Variants in CSGALNACT1 observed in about 807,000 individuals in gnomAD.
CSGALNACT1 encodes the protein chondroitin sulfate N-acetylgalactosaminyltransferase 1.
CSGALNACT1 carries 52 observed loss-of-function variants against 51.0 expected under a neutral mutation model. The observed-to-expected ratio is 1.02, with a 90% confidence interval of 0.82 to 1.29. The LOEUF (loss-of-function observed/expected upper bound fraction) is 1.29. Among genes scored for constraint, CSGALNACT1 ranks in the 50% most tolerant of loss-of-function variants. The pLI is 0.00. For missense variants in CSGALNACT1, 935 were observed against 679.2 expected (o/e 1.38, Z -4.19); for synonymous variants, 341 against 254.4 (o/e 1.34, Z -3.24).
At chr8:19,590,202 A>G (rs1276113989) in intron 3 of CSGALNACT1, among the ~76,000 whole-genome samples, 1 of 152,226 alleles carries the variant, frequency 6.6e-6, no homozygotes, top group Non-Finnish European at 1.5e-5. Flanking sequence ...ACTGCAAATC[A>G]TCCCAGAAAA....
intron 3 of CSGALNACT1, among the ~76,000 whole-genome samples, chr8:19,590,132 T>C (rs2047485170): frequency 6.6e-6 from 1 of 152,212 alleles, no homozygotes; most frequent in African/African-American, 2.4e-5. Context: ...TCTCTCTCTT[T>C]AGTTATTTAA....
intron 1 of CSGALNACT1, among the ~76,000 whole-genome samples, chr8:19,699,706 T>G (rs554228103): frequency 6.6e-6 from 1 of 152,212 alleles, no homozygotes; most frequent in Non-Finnish European, 1.5e-5. Context: ...TAGAAATGGA[T>G]GGCAGTGATG....
chr8:19,443,432 C>G (rs2061636775), intron 5 of CSGALNACT1, among the ~76,000 whole-genome samples: 1 of 152,004 alleles, frequency 6.6e-6, no homozygotes, highest in South Asian at 2.1e-4. Context: ...AAAGACATAC[C>G]CAAGACTGGG....
chr8:19,421,878 T>G (rs1171106978), intron 6 of CSGALNACT1, among the ~76,000 whole-genome samples: 2 of 152,120 alleles, frequency 1.3e-5, no homozygotes, highest in Non-Finnish European at 2.9e-5. Flanking sequence ...TTGGATCAGG[T>G]TAGGAGGCCT....
At chr8:19,576,017 A>C (rs1256772462) in intron 3 of CSGALNACT1, among the ~76,000 whole-genome samples, 1 of 152,094 alleles carries the variant, frequency 6.6e-6, no homozygotes, top group Non-Finnish European at 1.5e-5. Flanking sequence ...CAGGTGGTCT[A>C]ATGGCTCAGA....
At chr8:19,596,234 T>C in intron 2 of CSGALNACT1, among the ~76,000 whole-genome samples, 1 of 152,144 alleles carries the variant, frequency 6.6e-6, no homozygotes. Context: ...GAGAGCTACT[T>C]CCTATGTGTC....
intron 3 of CSGALNACT1, among the ~76,000 whole-genome samples, chr8:19,574,179 T>C (rs891206143): frequency 6.6e-6 from 1 of 152,176 alleles, no homozygotes; most frequent in East Asian, 1.9e-4. Flanking sequence ...TCCCAAACTA[T>C]TGGAATTACA....
intron 4 of CSGALNACT1, among the ~76,000 whole-genome samples, chr8:19,485,813 C>G (rs2072780293): frequency 8.4e-6 from 1 of 119,338 alleles, no homozygotes; most frequent in Admixed American, 1.0e-4. Context: ...GCTGCCCAGG[C>G]TGAAGTACAA....
chr8:19,409,690 C>A (rs962106339), intron 8 of CSGALNACT1, among the ~76,000 whole-genome samples: 4 of 152,094 alleles, frequency 2.6e-5, no homozygotes, highest in Non-Finnish European at 5.9e-5. Context: ...GAGAGGGCAG[C>A]AGCAGGTTCC....
chr8:19,519,293 C>G (rs1192624540), intron 3 of CSGALNACT1, among the ~76,000 whole-genome samples: 1 of 152,130 alleles, frequency 6.6e-6, no homozygotes, highest in Non-Finnish European at 1.5e-5. Context: ...GTTGTTGATC[C>G]CCATTCTCCT....
intron 6 of CSGALNACT1, among the ~76,000 whole-genome samples, chr8:19,426,392 A>G (rs2058780658): frequency 3.3e-5 from 5 of 152,180 alleles, no homozygotes; most frequent in Admixed American, 3.3e-4. Context: ...AATAACAGAA[A>G]AGAGATGAGA....
At chr8:19,721,526 C>A (rs932607495) in intron 1 of CSGALNACT1, among the ~76,000 whole-genome samples, 10 of 152,126 alleles carry the variant, frequency 6.6e-5, no homozygotes, top group Non-Finnish European at 1.3e-4. Context: ...CCTGATGGAC[C>A]ATGACAAGCA....
upstream of CSGALNACT1, among the ~76,000 whole-genome samples, chr8:19,685,587 A>G (rs2060927449): frequency 6.6e-6 from 1 of 152,252 alleles, no homozygotes; most frequent in Admixed American, 6.5e-5. Context: ...GTTCTTTAAA[A>G]GGAACGGTTT....
intron 1 of CSGALNACT1, among the ~76,000 whole-genome samples, chr8:19,713,869 G>T (rs1408187562): frequency 6.6e-6 from 1 of 152,194 alleles, no homozygotes; most frequent in Non-Finnish European, 1.5e-5. Flanking sequence ...AGCCCCAGAT[G>T]GAGAAGGGGA....
chr8:19,695,040 G>C (rs1325425668), intron 1 of CSGALNACT1, among the ~76,000 whole-genome samples: 1 of 152,066 alleles, frequency 6.6e-6, no homozygotes, highest in East Asian at 1.9e-4. Flanking sequence ...CTCCTCCTCT[G>C]CTCACTTTGT....
intron 3 of CSGALNACT1, among the ~76,000 whole-genome samples, chr8:19,521,494 C>A (rs2080695243): frequency 6.6e-6 from 1 of 152,080 alleles, no homozygotes; most frequent in Non-Finnish European, 1.5e-5. Flanking sequence ...AACAGCCTGG[C>A]CAACATGGTA....
chr8:19,525,722 G>A (rs555936845), intron 3 of CSGALNACT1, among the ~76,000 whole-genome samples: 1 of 145,158 alleles, frequency 6.9e-6, no homozygotes, highest in South Asian at 2.2e-4. Flanking sequence ...AGTGACAACA[G>A]AGAGAAAGCA....
At chr8:19,653,192 G>A (rs925858274) in intron 1 of CSGALNACT1, among the ~76,000 whole-genome samples, 5 of 152,082 alleles carry the variant, frequency 3.3e-5, no homozygotes, top group African/African-American at 1.2e-4. Flanking sequence ...CCTCGATTTT[G>A]CTTCCCTTCA....
intron 1 of CSGALNACT1, among the ~76,000 whole-genome samples, chr8:19,707,439 A>C (rs959529252): frequency 2.6e-4 from 39 of 152,230 alleles, no homozygotes; most frequent in African/African-American, 9.2e-4. Context: ...ATTTTTATTT[A>C]AAGTCATTGA....
Sources: allele counts gnomAD v4.1 joint callset (sites outside exome capture counted in the v4.1 genomes callset), GRCh38; gene constraint gnomAD v4.1.1; transcripts MANE v1.5; gene names NCBI Gene and HGNC (gene_info 2026-07-23, HGNC 2026-07-21).